POU2F3: variants seen among roughly 807,000 people sequenced by gnomAD.
The protein encoded by POU2F3 is POU domain, class 2, transcription factor 3.
A neutral mutation model predicts 59.2 loss-of-function variants in POU2F3; 23 were observed. That is an observed-to-expected ratio of 0.39 (90% CI 0.28 to 0.55). The LOEUF (loss-of-function observed/expected upper bound fraction) is 0.55, where lower values mean the gene tolerates loss of function less well. POU2F3 is among the 20% of genes least tolerant of loss of function. The pLI is 0.66. For missense variants in POU2F3, 473 were observed against 544.5 expected (o/e 0.87, Z 1.31); for synonymous variants, 190 against 214.6 (o/e 0.89, Z 1.00).
At chr11:120,276,104 G>A (rs115257942) in intron 3 of POU2F3, among the ~76,000 whole-genome samples, 7,622 of 152,240 alleles carry the variant, frequency 0.05, 603 homozygotes, top group African/African-American at 0.17. Flanking sequence ...AGTTGGCAAC[G>A]GAGGGTCCGT....
At position 120,305,480 on chromosome 11, in the gene POU2F3, G is replaced by A. The variant is rs17123842; in HGVS notation, c.628-164G>A. The A allele has an allele frequency of 1.8e-3, 2,150 of 1,165,192 alleles. 33 individuals are homozygous for A. In the African/African-American group the frequency reaches 0.028, roughly 15 times the overall value. 72.2% of individuals were successfully genotyped at this position (1,165,192 alleles called of 1,614,324 possible). On this transcript the variant is annotated intron_variant, in intron 7 of 12. Coordinates refer to ENST00000543440, the MANE Select transcript of POU2F3 (RefSeq NM_014352.4). ...GAGAGTCTAAGGAGAGAAAGAAACCGATTCTTCACCTTAGAGGGAGGAGAC... is the reference window on the plus strand; with the variant it reads ...GAGAGTCTAAGGAGAGAAAGAAACCAATTCTTCACCTTAGAGGGAGGAGAC...
chr11:120,318,311 T>C (rs1263577324), intron 12 of POU2F3, 42 bp from the exon 13 acceptor site: 1 of 1,555,246 alleles, frequency 6.4e-7, no homozygotes, highest in South Asian at 1.1e-5. Context: ...TCTTACGCCA[T>C]CACATTATTA....
At chr11:120,288,846 T>C (rs899413543) in intron 3 of POU2F3, among the ~76,000 whole-genome samples, 2 of 152,172 alleles carry the variant, frequency 1.3e-5, no homozygotes, top group African/African-American at 2.4e-5. Context: ...ATGTATGTAA[T>C]ACATACATGT....
upstream of POU2F3, among the ~76,000 whole-genome samples, chr11:120,239,019 G>A (rs1483987882): frequency 2.0e-5 from 3 of 152,244 alleles, no homozygotes; most frequent in Non-Finnish European, 4.4e-5. Context: ...GAAGGCACAC[G>A]AAATGCTGGG....
intron 2 of POU2F3, chr11:120,261,197 TTTTG>T (rs1290266292): frequency 2.0e-5 from 3 of 149,052 alleles, no homozygotes; most frequent in Non-Finnish European, 4.4e-5. Flanking sequence ...TGTGTGTGTG[TTTTG>T]TTTGTTTGTT....
intron 3 of POU2F3, among the ~76,000 whole-genome samples, chr11:120,295,307 G>A (rs17123792): frequency 0.14 from 21,466 of 152,096 alleles, 1,843 homozygotes; most frequent in Admixed American, 0.3. Flanking sequence ...TGCATAATGA[G>A]TCTACAGAGG....
At chr11:120,257,229 G>A (rs1939378857) in intron 2 of POU2F3, among the ~76,000 whole-genome samples, 1 of 152,198 alleles carries the variant, frequency 6.6e-6, no homozygotes, top group Non-Finnish European at 1.5e-5. Context: ...GGTCAGAGAA[G>A]GGGGATGATT....
chr11:120,308,542 G>T (rs1013199449), intron 9 of POU2F3, among the ~76,000 whole-genome samples: 2 of 152,196 alleles, frequency 1.3e-5, no homozygotes, highest in South Asian at 4.1e-4. Flanking sequence ...ATCAGAACAA[G>T]GGAGTGGCGC....
intron 3 of POU2F3, among the ~76,000 whole-genome samples, chr11:120,287,820 G>A (rs1329384057): frequency 2.6e-5 from 4 of 152,148 alleles, no homozygotes; most frequent in African/African-American, 9.7e-5. Flanking sequence ...CTTATCCAGA[G>A]AGCCAGTAGC....
At chr11:120,272,944 G>A (rs549472760) in intron 3 of POU2F3, among the ~76,000 whole-genome samples, 1 of 152,276 alleles carries the variant, frequency 6.6e-6, no homozygotes, top group African/African-American at 2.4e-5. Flanking sequence ...GAAAAGCTTG[G>A]CTGAGATGCT....
intron 2 of POU2F3, chr11:120,254,199 G>T (rs1939236313): frequency 6.6e-6 from 1 of 152,266 alleles, no homozygotes; most frequent in African/African-American, 2.4e-5. Context: ...GAAGAATTTA[G>T]AAAGAAATGA....
chr11:120,260,301 G>A (rs1939539025), intron 2 of POU2F3, among the ~76,000 whole-genome samples: 1 of 152,230 alleles, frequency 6.6e-6, no homozygotes, highest in Admixed American at 6.5e-5. Flanking sequence ...TCTTGGAGGT[G>A]GGAAAGCAGG....
At chr11:120,245,635 G>T (rs1255278893) in intron 1 of POU2F3, among the ~76,000 whole-genome samples, 1 of 152,174 alleles carries the variant, frequency 6.6e-6, no homozygotes, top group African/African-American at 2.4e-5. Context: ...AGGAGACTTA[G>T]GGGCCTCCCA....
rs1939169520 is a variant in POU2F3 at position 120,252,810 on chromosome 11, G to A, written c.97+6293G>A. On this transcript the variant is annotated intron_variant, in intron 2 of 12. Coordinates refer to ENST00000543440, the MANE Select transcript of POU2F3 (RefSeq NM_014352.4). ...TAGGGTAAGCAGAGGTGGCAGGATT[G>A]TATGGTTCAGATGAGCCGTGAGGAG... Among the ~76,000 whole-genome samples the A allele has an allele frequency of 2.0e-5, 3 of 152,176 alleles. No homozygotes were observed. In the South Asian group the frequency reaches 6.2e-4, roughly 32 times the overall value.
intron 2 of POU2F3, among the ~76,000 whole-genome samples, chr11:120,254,481 T>G (rs1055660254): frequency 6.6e-6 from 1 of 151,738 alleles, no homozygotes; most frequent in African/African-American, 2.4e-5. Context: ...CCAGCATTTG[T>G]TATGGGTCTG....
At chr11:120,236,780 G>GGAATA (rs1938513278), upstream of POU2F3, 1 of 1,373,864 alleles carries the variant, frequency 7.3e-7, no homozygotes, top group Non-Finnish European at 1.0e-6. Context: ...TGAGAGAGAA[G>GGAATA]GAATAAAGAT....
At chr11:120,236,800 T>C (rs536049267), upstream of POU2F3, 790 of 1,265,256 alleles carry the variant, frequency 6.2e-4, 1 homozygote, top group Non-Finnish European at 7.8e-4. Context: ...TTGCTCACCA[T>C]TCCCCCTCAA....
At chr11:120,286,592 T>C (rs1294838760) in intron 3 of POU2F3, among the ~76,000 whole-genome samples, 1 of 152,216 alleles carries the variant, frequency 6.6e-6, no homozygotes, top group African/African-American at 2.4e-5. Flanking sequence ...TCCATTCAGA[T>C]ACTCTACTTC....
At chr11:120,277,935 C>T (rs1940401823) in intron 3 of POU2F3, among the ~76,000 whole-genome samples, 1 of 152,210 alleles carries the variant, frequency 6.6e-6, no homozygotes, top group Non-Finnish European at 1.5e-5. Flanking sequence ...GTAGGTCCCT[C>T]ATGCCTCTAT....
Sources: allele counts gnomAD v4.1 joint callset (sites outside exome capture counted in the v4.1 genomes callset), GRCh38; gene constraint gnomAD v4.1.1; transcripts MANE v1.5; gene names NCBI Gene and HGNC (gene_info 2026-07-23, HGNC 2026-07-21).